BCL11A: variants seen among roughly 807,000 people sequenced by gnomAD.
BCL11A encodes the protein BCL11 transcription factor A, also known as B cell CLL/lymphoma 11A.
Under a neutral mutation model 55.9 loss-of-function variants are expected in BCL11A, and 2 were observed. The observed-to-expected ratio is 0.04, with a 90% CI of 0.01 to 0.11. The LOEUF (loss-of-function observed/expected upper bound fraction) is 0.11. BCL11A is among the 10% of genes least tolerant of loss of function. The pLI is 1.00. For synonymous variants in BCL11A, 465 were observed against 473.4 expected, an observed-to-expected ratio of 0.98 and a Z score of 0.23; for missense variants, 817 against 1,137.1, an observed-to-expected ratio of 0.72 and a Z score of 4.05.
intron 2 of BCL11A, among the ~76,000 whole-genome samples, chr2:60,539,478 T>C (rs1669823024): frequency 6.6e-6 from 1 of 152,216 alleles, no homozygotes; most frequent in South Asian, 2.1e-4. Flanking sequence ...CAAAAGCCTT[T>C]GCTGAAATGT....
chr2:60,498,884 A>G (rs1480823184), intron 2 of BCL11A, among the ~76,000 whole-genome samples: 1 of 151,936 alleles, frequency 6.6e-6, no homozygotes, highest in Non-Finnish European at 1.5e-5. Flanking sequence ...ATCTTGATCA[A>G]ACTCAGATGA....
In BCL11A at chr2:60,546,378, T is replaced by C. The variant is rs1041542284; in HGVS notation, c.56-78A>G. On this transcript the variant is annotated intron_variant, in intron 1 of 3. Coordinates refer to ENST00000642384, the MANE Select transcript of BCL11A (RefSeq NM_022893.4). This position sits in a 1 kb window ranked among gnomAD's most constrained non-coding sequence, Gnocchi z 4.1. ...AGGGGAGAAGCACATCTCAACCCCA[T>C]GCCATCCCACCACATCATGTAAAGT... is the stretch of plus-strand genomic sequence containing the variant. The C allele has an allele frequency of 5.1e-5, 62 of 1,204,162 alleles. No individual in the cohort carries two copies. The highest frequency in any genetic ancestry group is 6.1e-5 in the Non-Finnish European group (51 of 842,268). The allele number at this position is 1,204,162 out of a possible 1,614,324, so 74.6% of individuals were successfully genotyped here.
At chr2:60,469,327 A>T (rs1036456225) in intron 2 of BCL11A, among the ~76,000 whole-genome samples, 1 of 152,168 alleles carries the variant, frequency 6.6e-6, no homozygotes, top group Non-Finnish European at 1.5e-5. Flanking sequence ...ACAGAGTCCC[A>T]CTTTGCTTTC....
At position 60,478,967 on chromosome 2, in the gene BCL11A, T is replaced by TG. The variant is rs1345498485; in HGVS notation, c.386-10135dup. On this transcript the variant is annotated intron_variant, in intron 2 of 3. Coordinates refer to ENST00000642384, the MANE Select transcript of BCL11A (RefSeq NM_022893.4). ...CTTGGCTTTGACGTGCTTTGTTTTT[T>TG]GTTTTTTTTTTTTCCCTCCTCCCTG... Among the ~76,000 whole-genome samples, 540 of 118,324 alleles carry TG rather than the reference T, an allele frequency of 4.6e-3. 5 individuals carry two copies. The highest frequency in any genetic ancestry group is 0.015 in the African/African-American group (501 of 34,102). 77.6% of individuals were successfully genotyped at this position (118,324 alleles called of 152,430 possible).
chr2:60,521,884 A>G (rs551014614), intron 2 of BCL11A, among the ~76,000 whole-genome samples: 5 of 152,290 alleles, frequency 3.3e-5, no homozygotes, highest in Middle Eastern at 3.4e-3. Flanking sequence ...ATGCACTGAA[A>G]AAGACAAGGG....
intron 2 of BCL11A, among the ~76,000 whole-genome samples, chr2:60,475,880 G>C (rs905075699): frequency 6.6e-6 from 1 of 152,202 alleles, no homozygotes; most frequent in African/African-American, 2.4e-5. Context: ...TGTTCCTCTG[G>C]AGAGACTGCT....
chr2:60,552,756 A>C (rs1471632842), intron 1 of BCL11A, among the ~76,000 whole-genome samples: 1 of 149,220 alleles, frequency 6.7e-6, no homozygotes, highest in East Asian at 2.0e-4. Flanking sequence ...ACTTGTACTC[A>C]CTCCCTCCCT....
Position 60,469,140 on chromosome 2 carries a change from A to T in BCL11A, c.386-307T>A, listed in dbSNP as rs187605215. Among the ~76,000 whole-genome samples the T allele has an allele frequency of 5.4e-4, 82 of 152,330 alleles. 1 individual carries two copies. The highest frequency in any genetic ancestry group is 1.9e-3 in the African/African-American group (81 of 41,572). On this transcript the variant is annotated intron_variant, in intron 2 of 3. Transcript: ENST00000642384. ...GTTTGATTATTGTCTTGTGGAAAGA[A>T]GATGTGTAAGCAGCAAGGGGAAAAC...
At chr2:60,502,639 GA>G (rs1268304185) in intron 2 of BCL11A, among the ~76,000 whole-genome samples, 1 of 152,174 alleles carries the variant, frequency 6.6e-6, no homozygotes, top group Non-Finnish European at 1.5e-5. Context: ...AAATACCAGT[GA>G]AAAGAGATTT....
downstream of BCL11A, among the ~76,000 whole-genome samples, chr2:60,456,772 T>C (rs1361930006): frequency 6.6e-6 from 1 of 152,208 alleles, no homozygotes. Context: ...AAAAATCTTT[T>C]TTACATTATG....
intron 2 of BCL11A, among the ~76,000 whole-genome samples, chr2:60,521,515 G>A (rs974017647): frequency 6.6e-6 from 1 of 152,166 alleles, no homozygotes; most frequent in African/African-American, 2.4e-5. Flanking sequence ...GTCACACAGC[G>A]ACAGTCCTGG....
In BCL11A at chr2:60,459,002, CT is replaced by C. The variant is rs1558608964; in HGVS notation, c.*1401del. ...TGCTACTCTTAAAATTCTTTCTCTTCTTTTTTTAAGAATGTCACATTTAAAT... is the reference window on the plus strand; with the variant it reads ...TGCTACTCTTAAAATTCTTTCTCTTCTTTTTTAAGAATGTCACATTTAAAT... On this transcript the variant is annotated 3_prime_UTR_variant, in exon 4 of 4. Transcript: ENST00000642384. 1 of 1,027,660 alleles carries C rather than the reference CT, an allele frequency of 9.7e-7. No individual in the cohort carries two copies. 63.7% of individuals were successfully genotyped at this position (1,027,660 alleles called of 1,614,324 possible).
Position 60,459,985 on chromosome 2 carries a change from T to C in BCL11A, c.*419A>G. Reference sequence around the variant, plus strand: ...GAACGGAACTGGAAACAGCAACATGTTTGCTCAGCAACGAATTAGGGACAA... The same window carrying C: ...GAACGGAACTGGAAACAGCAACATGCTTGCTCAGCAACGAATTAGGGACAA... On this transcript the variant is annotated 3_prime_UTR_variant, in exon 4 of 4. Transcript: ENST00000642384. 9.4e-7 allele frequency: 1 copy of C among 1,067,900 alleles called. No individual in the cohort carries two copies. Among genetic ancestry groups the C allele is most frequent in the Non-Finnish European group, 1.1e-6 (1 of 881,146 alleles). The allele number at this position is 1,067,900 out of a possible 1,614,324, so 66.2% of individuals were successfully genotyped here. A position where few individuals can be genotyped will look rare whatever the true frequency, so the allele number is the denominator to read the frequency against.
chr2:60,540,993 G>GTGT (rs1669900848), intron 2 of BCL11A, among the ~76,000 whole-genome samples: 11 of 89,154 alleles, frequency 1.2e-4, no homozygotes, highest in Admixed American at 5.1e-4. Flanking sequence ...TGTGTGTGTG[G>GTGT]TTATTTTGTT....
chr2:60,518,783 A>G (rs776239661), intron 2 of BCL11A, among the ~76,000 whole-genome samples: 1 of 152,182 alleles, frequency 6.6e-6, no homozygotes, highest in Non-Finnish European at 1.5e-5. Context: ...GTGGATTTTA[A>G]GGACTCATCA....
At chr2:60,492,119 G>A (rs1035822896) in intron 2 of BCL11A, among the ~76,000 whole-genome samples, 1 of 152,226 alleles carries the variant, frequency 6.6e-6, no homozygotes, top group African/African-American at 2.4e-5. Flanking sequence ...GCTCTCGCCT[G>A]TAATCCCAGC....
chr2:60,478,765 C>G (rs1413218086), intron 2 of BCL11A, among the ~76,000 whole-genome samples: 3 of 152,230 alleles, frequency 2.0e-5, no homozygotes, highest in Admixed American at 6.5e-5. Context: ...TCTGGTGCTG[C>G]GAGGCCAGGC....
At chr2:60,540,303 A>G (rs1430237858) in intron 2 of BCL11A, among the ~76,000 whole-genome samples, 1 of 152,234 alleles carries the variant, frequency 6.6e-6, no homozygotes, top group Non-Finnish European at 1.5e-5. Flanking sequence ...TTATTGCACA[A>G]AGCTGGTACT....
At chr2:60,530,525 T>C (rs1484095820) in intron 2 of BCL11A, among the ~76,000 whole-genome samples, 3 of 151,432 alleles carry the variant, frequency 2.0e-5, no homozygotes, top group Non-Finnish European at 2.9e-5. Flanking sequence ...GGAAAGATGA[T>C]AGAACCCGCA....
Sources: gnomAD v4.1 joint callset for allele counts (sites outside exome capture counted in the v4.1 genomes callset) on GRCh38, gnomAD v4.1.1 for gene constraint, Gnocchi (gnomAD v3.1) non-coding constraint, MANE v1.5 for transcripts, NCBI Gene and HGNC (gene_info 2026-07-23, HGNC 2026-07-21) for gene names.